The following PLEKHH2 variants were observed in gnomAD, a reference collection of about 807,000 sequenced individuals.
PLEKHH2 encodes pleckstrin homology domain-containing family H member 2.
Under a neutral mutation model 187.9 loss-of-function variants are expected in PLEKHH2, and 129 were observed. The ratio of observed to expected loss-of-function variants is 0.69; its 90% CI spans 0.59 to 0.79. PLEKHH2 has a LOEUF of 0.79. Ranked by LOEUF, PLEKHH2 falls within the 30% of genes least tolerant of loss-of-function variation. The pLI, the probability that PLEKHH2 is intolerant of heterozygous loss-of-function variation, is 0.00. For missense variants in PLEKHH2, 2,076 were observed against 1,751.2 expected (o/e 1.19, Z -3.31); for synonymous variants, 686 against 605.6 (o/e 1.13, Z -1.95).
chr2:43,730,554 A>G (rs1670988583), intron 18 of PLEKHH2, among the ~76,000 whole-genome samples: 1 of 152,126 alleles, frequency 6.6e-6, no homozygotes, highest in Admixed American at 6.5e-5. Context: ...ATGCACCACC[A>G]TGCCCGACTA....
Position 43,710,540 on chromosome 2 carries a change from A to T in PLEKHH2, c.2266A>T (p.Ser756Cys), listed in dbSNP as rs756237248. 6.3e-7 allele frequency: 1 copy of T among 1,581,846 alleles called. No individual in the cohort carries two copies. The highest frequency in any genetic ancestry group is 8.6e-7 in the Non-Finnish European group (1 of 1,166,148). The change falls in exon 14 of 30, where the codon AGT becomes TGT. Residue 756 changes from serine to cysteine, a missense_variant. Coordinates refer to ENST00000282406, the MANE Select transcript of PLEKHH2 (RefSeq NM_172069.4). The part of the protein sequence containing the change: ...QGHIELSASC[S>C]ILRGDNKQTV... ...CCATATTGAACTTAGTGCATCCTGT[A>T]GTATTTTAAGAGGAGATAACAAACA...
intron 14 of PLEKHH2, chr2:43,711,586 C>T: frequency 4.1e-6 from 4 of 976,834 alleles, no homozygotes; most frequent in Non-Finnish European, 4.9e-6. Context: ...TCATTCTGCT[C>T]CTCATTTCAA....
At chr2:43,666,359 C>T in intron 2 of PLEKHH2, among the ~76,000 whole-genome samples, 1 of 151,292 alleles carries the variant, frequency 6.6e-6, no homozygotes, top group Non-Finnish European at 1.5e-5. Context: ...ACCCACTGGC[C>T]TGCGCCCACT....
intron 1 of PLEKHH2, 124 bp downstream of exon 1, chr2:43,637,503 G>C (rs1038586143): frequency 2.6e-5 from 4 of 152,530 alleles, no homozygotes; most frequent in Admixed American, 2.0e-4. Flanking sequence ...GGGAGGAGCG[G>C]GAAGGCGGGG....
intron 2 of PLEKHH2, among the ~76,000 whole-genome samples, chr2:43,671,659 T>C (rs1213518131): frequency 6.6e-6 from 1 of 152,194 alleles, no homozygotes; most frequent in African/African-American, 2.4e-5. Context: ...AAGAGATTTT[T>C]ATTGTGAATG....
At chr2:43,648,453 C>T (rs927326324) in intron 2 of PLEKHH2, among the ~76,000 whole-genome samples, 1 of 151,996 alleles carries the variant, frequency 6.6e-6, no homozygotes, top group Non-Finnish European at 1.5e-5. Context: ...TCCCAAAGTG[C>T]TGGGATTACA....
At chr2:43,746,667 A>G (rs1671789977) in intron 24 of PLEKHH2, among the ~76,000 whole-genome samples, 1 of 152,194 alleles carries the variant, frequency 6.6e-6, no homozygotes, top group African/African-American at 2.4e-5. Context: ...TTTTTCATAA[A>G]GACTGAATAC....
In PLEKHH2 at chr2:43,759,011, C is replaced by A; in HGVS notation, c.4053C>A (p.Ala1351=). Residue 1351 remains alanine, a synonymous_variant, in exon 27 of 30, where the codon GCC becomes GCA. Transcript: ENST00000282406. ...TVARKWPFFG[A]KLFLAKPITP... ...CCAGGAAGTGGCCATTCTTTGGTGCCAAGTTGTTTCTTGCAAAAGTAAGAA... is the reference window on the plus strand; with the variant it reads ...CCAGGAAGTGGCCATTCTTTGGTGCAAAGTTGTTTCTTGCAAAAGTAAGAA... 1 of 1,612,110 alleles carries A rather than the reference C, an allele frequency of 6.2e-7. No homozygotes were observed. Among genetic ancestry groups the A allele is most frequent in the Non-Finnish European group, 8.5e-7 (1 of 1,178,638 alleles).
intron 19 of PLEKHH2, among the ~76,000 whole-genome samples, chr2:43,737,698 A>G (rs1368087): frequency 0.31 from 47,312 of 152,124 alleles, 7,618 homozygotes; most frequent in African/African-American, 0.37. Flanking sequence ...CCTTCCCCAG[A>G]GGAAATGATC....
rs141403330 is a variant in PLEKHH2 at position 43,693,053 on chromosome 2, G to A, written c.336+390G>A. Among the ~76,000 whole-genome samples the A allele has an allele frequency of 8.0e-4, 122 of 152,078 alleles. 1 individual carries two copies. The highest frequency in any genetic ancestry group is 2.8e-3 in the African/African-American group (116 of 41,488). On this transcript the variant is annotated intron_variant, in intron 4 of 29. Coordinates refer to ENST00000282406, the MANE Select transcript of PLEKHH2 (RefSeq NM_172069.4). ...AGTGATTCTTGTGCCTCAGCCTCCC[G>A]AGTAGCTGGGACTATGGGCATACAC...
intron 24 of PLEKHH2, among the ~76,000 whole-genome samples, chr2:43,750,565 C>A (rs1228764194): frequency 1.3e-5 from 2 of 152,152 alleles, no homozygotes; most frequent in South Asian, 2.1e-4. Context: ...CTACTACTAA[C>A]CCTCATTTGT....
chr2:43,714,828 A>T (rs1239372649), intron 15 of PLEKHH2, among the ~76,000 whole-genome samples: 1 of 152,184 alleles, frequency 6.6e-6, no homozygotes, highest in Admixed American at 6.5e-5. Context: ...ACAAAAGCTT[A>T]TTTACAATGA....
intron 3 of PLEKHH2, among the ~76,000 whole-genome samples, chr2:43,683,206 C>T (rs1363628972): frequency 1.6e-5 from 2 of 128,860 alleles, no homozygotes; most frequent in Non-Finnish European, 3.1e-5. Context: ...AGTGCAATGG[C>T]ACGATCTTGG....
chr2:43,639,312 G>C (rs1218465936), intron 1 of PLEKHH2, among the ~76,000 whole-genome samples: 1 of 152,148 alleles, frequency 6.6e-6, no homozygotes, highest in East Asian at 1.9e-4. Context: ...AAAGTATACA[G>C]TTCACTGGGT....
intron 8 of PLEKHH2, among the ~76,000 whole-genome samples, chr2:43,702,043 A>T (rs1669398801): frequency 6.6e-6 from 1 of 152,228 alleles, no homozygotes; most frequent in African/African-American, 2.4e-5. Flanking sequence ...TGCTGGGATT[A>T]CAGGCGTGTC....
chr2:43,747,930 T>G (rs1303478596), intron 24 of PLEKHH2, among the ~76,000 whole-genome samples: 1 of 152,250 alleles, frequency 6.6e-6, no homozygotes, highest in Admixed American at 6.5e-5. Flanking sequence ...AATATGCAGA[T>G]AAGTGGGCAG....
intron 3 of PLEKHH2, among the ~76,000 whole-genome samples, chr2:43,689,430 T>C (rs750527111): frequency 2.0e-5 from 3 of 152,260 alleles, no homozygotes; most frequent in Non-Finnish European, 4.4e-5. Flanking sequence ...GTGTTTGTTA[T>C]TGGCCAGTCT....
intron 2 of PLEKHH2, among the ~76,000 whole-genome samples, chr2:43,659,541 G>C (rs1574491460): frequency 6.8e-6 from 1 of 145,998 alleles, no homozygotes; most frequent in African/African-American, 2.5e-5. Flanking sequence ...AGTTTTCTTT[G>C]TATGTTTTGG....
chr2:43,682,676 G>A (rs767433480), intron 3 of PLEKHH2, among the ~76,000 whole-genome samples: 9 of 151,974 alleles, frequency 5.9e-5, no homozygotes, highest in South Asian at 2.1e-4. Context: ...CCAAAATGTC[G>A]AAAGGAAACT....
Sources: allele counts gnomAD v4.1 joint callset (sites outside exome capture counted in the v4.1 genomes callset), GRCh38; gene constraint gnomAD v4.1.1; transcripts MANE v1.5; gene names NCBI Gene and HGNC (gene_info 2026-07-23, HGNC 2026-07-21).